The following MDK variants were observed in gnomAD, a reference collection of about 807,000 sequenced individuals.
MDK encodes the protein amphiregulin-associated protein.
A neutral mutation model predicts 18.9 loss-of-function variants in MDK; 17 were observed. The ratio of observed to expected loss-of-function variants is 0.90; its 90% CI spans 0.62 to 1.35. The LOEUF (loss-of-function observed/expected upper bound fraction) is 1.35, where lower values mean the gene tolerates loss of function less well. Ranked by LOEUF, MDK falls within the 40% of genes most tolerant of loss-of-function variation. The pLI, the probability that MDK is intolerant of heterozygous loss-of-function variation, is 0.00. For missense variants in MDK, 180 were observed against 186.3 expected, an observed-to-expected ratio of 0.97 and a Z score of 0.20; for synonymous variants, 86 against 74.3, an observed-to-expected ratio of 1.16 and a Z score of -0.81.
chr11:46,380,875 C>T (rs1945140438), upstream of MDK: 2 of 152,314 alleles, frequency 1.3e-5, no homozygotes, highest in South Asian at 2.1e-4. Flanking sequence ...CCCCAGGCCT[C>T]GGGGGCTCTC....
At chr11:46,383,103 GGAGGTCAA>G in intron 4 of MDK, 1 of 432,648 alleles carries the variant, frequency 2.3e-6, no homozygotes, top group Non-Finnish European at 4.2e-6. Flanking sequence ...AGTGTTGGGA[GGAGGTCAA>G]GGCCCACCCT....
rs34261502 is a variant in MDK at position 46,381,934 on chromosome 11, G to A, written c.-1-123G>A. 4.7e-3 allele frequency: 4,921 copies of A among 1,050,586 alleles called. 335 individuals are homozygous for A. The Admixed American group carries it at 0.11, about 23-fold the overall frequency. 65.1% of individuals were successfully genotyped at this position (1,050,586 alleles called of 1,614,324 possible). A position where few individuals can be genotyped will look rare whatever the true frequency, so the allele number is the denominator to read the frequency against. On this transcript the variant is annotated intron_variant, in intron 1 of 4. Coordinates refer to ENST00000395566, the MANE Select transcript of MDK (RefSeq NM_002391.6). ...GGCCGCCCCAAGTCTTCCCACCGCC[G>A]CCACCTTAGCAGCCCGACTTGGGGC...
rs761717296 is a variant in MDK at position 46,382,627 on chromosome 11, T to A, written c.285T>A (p.Asp95Glu). Residue 95 changes from aspartate to glutamate, a missense_variant, in exon 4 of 5, where the codon GAT becomes GAA. Physicochemically the swap from Asp to Glu is conservative, Grantham distance 45 (BLOSUM62 2). Coordinates refer to ENST00000395566, the MANE Select transcript of MDK (RefSeq NM_002391.6). ...AGTTTGAGAACTGGGGTGCGTGTGA[T>A]GGGGGCACAGGCACCAAAGTCCGCC... ...KYKFENWGACDGGTGTKVRQG... is the reference protein window; with the variant it reads ...KYKFENWGACEGGTGTKVRQG... 1 of 1,612,690 alleles carries A rather than the reference T, an allele frequency of 6.2e-7. No individual in the cohort carries two copies. Among genetic ancestry groups the A allele is most frequent in the Non-Finnish European group, 8.5e-7 (1 of 1,179,794 alleles).
chr11:46,381,944 C>G (rs533531836), intron 1 of MDK, 113 bp from the exon 2 acceptor site: 1 of 1,160,122 alleles, frequency 8.6e-7, no homozygotes, highest in South Asian at 1.4e-5. Context: ...GCCACCTTAG[C>G]AGCCCGACTT....
In MDK at chr11:46,382,335, T is replaced by C; in HGVS notation, c.118T>C (p.Trp40Arg). The C allele has an allele frequency of 6.2e-7, 1 of 1,606,328 alleles. No individual in the cohort carries two copies. The highest frequency in any genetic ancestry group is 8.5e-7 in the Non-Finnish European group (1 of 1,177,510). The change falls in exon 3 of 5, where the codon TGG (tryptophan) becomes CGG (arginine). Residue 40 changes from tryptophan to arginine, a missense_variant. Physicochemically the swap from Trp to Arg is moderately radical, Grantham distance 101 (BLOSUM62 -3). Coordinates refer to ENST00000395566, the MANE Select transcript of MDK (RefSeq NM_002391.6). ...CGGCCCGGGGAGCGAGTGCGCTGAGTGGGCCTGGGGGCCCTGCACCCCCAG... is the reference window on the plus strand; with the variant it reads ...CGGCCCGGGGAGCGAGTGCGCTGAGCGGGCCTGGGGGCCCTGCACCCCCAG... ...KGGPGSECAE[W>R]AWGPCTPSSK... is the part of the protein sequence containing the mutation.
At chr11:46,381,600 G>T (rs1715857206), upstream of MDK, 1 of 141,790 alleles carries the variant, frequency 7.1e-6, no homozygotes, top group Admixed American at 6.9e-5. Context: ...CGGGTTTGAG[G>T]GGAGGGGGCG....
At chr11:46,382,790 G>GGGGGGGGGGGGGGGGGGGGGGGGGCC in intron 4 of MDK, 42 bp downstream of exon 4, 1 of 985,982 alleles carries the variant, frequency 1.0e-6, no homozygotes, top group East Asian at 3.8e-5. Context: ...GCGGGGGGCT[G>GGGGGGGGGGGGGGGGGGGGGGGGGCC]CCCCCCCCCC....
At position 46,381,674 on chromosome 11, in the gene MDK, G is replaced by C. The variant is rs893221096; in HGVS notation, c.-86G>C. ...GGGGCCCATGTGACCGGCTCAGACC[G>C]GTTCTGGAGACAAAAGGGGCCGCGG... On this transcript the variant is annotated 5_prime_UTR_variant, in exon 1 of 5. Coordinates refer to ENST00000395566, the MANE Select transcript of MDK (RefSeq NM_002391.6). 1.3e-5 allele frequency: 2 copies of C among 154,778 alleles called. No homozygotes were observed. The highest frequency in any genetic ancestry group is 4.9e-5 in the African/African-American group (2 of 41,214). 9.6% of individuals were successfully genotyped at this position (154,778 alleles called of 1,614,324 possible). A position where few individuals can be genotyped will look rare whatever the true frequency, so the allele number is the denominator to read the frequency against.
Position 46,381,788 on chromosome 11 carries a change from G to A in MDK, c.-2+30G>A, listed in dbSNP as rs1324977432. ...GCGCGCGGCGGCCCCTGGTCCGCCC[G>A]GCCGCGGCCGATCTAGGGGCTGGGG... On this transcript the variant is annotated intron_variant, in intron 1 of 4. Coordinates refer to ENST00000395566, the MANE Select transcript of MDK (RefSeq NM_002391.6). The A allele has an allele frequency of 1.5e-5, 5 of 337,562 alleles. No homozygotes were observed. In the Admixed American group the frequency reaches 2.5e-4, roughly 17 times the overall value. The allele number at this position is 337,562 out of a possible 1,614,324, so 20.9% of individuals were successfully genotyped here.
rs1036330826 is a variant in MDK at position 46,381,726 on chromosome 11, G to C, written c.-34G>C. On this transcript the variant is annotated 5_prime_UTR_variant, in exon 1 of 5. Transcript: ENST00000395566. ...GGCCGGAGCGGGACGGGCCCGGCGCGGGAGGGAGCGAAGCAGCGCGGGCAG... is the reference window on the plus strand; with the variant it reads ...GGCCGGAGCGGGACGGGCCCGGCGCCGGAGGGAGCGAAGCAGCGCGGGCAG... 1.1e-5 allele frequency: 2 copies of C among 189,686 alleles called. No homozygotes were observed. Among genetic ancestry groups the C allele is most frequent in the Non-Finnish European group, 2.1e-5 (2 of 93,516 alleles). 11.8% of individuals were successfully genotyped at this position (189,686 alleles called of 1,614,324 possible).
At position 46,383,773 on chromosome 11, in the gene MDK, C is replaced by T. The variant is rs1269297893; in HGVS notation, c.*279C>T. On this transcript the variant is annotated 3_prime_UTR_variant, in exon 5 of 5. Coordinates refer to ENST00000395566, the MANE Select transcript of MDK (RefSeq NM_002391.6). ...CCCACAATTCCATTACTAAGAAACA[C>T]ATCAAATAAACTGACTTTTTCCCCC... The T allele has an allele frequency of 1.8e-6, 1 of 546,128 alleles. No homozygotes were observed. The highest frequency in any genetic ancestry group is 3.4e-5 in the East Asian group (1 of 29,272). The allele number at this position is 546,128 out of a possible 1,614,324, so 33.8% of individuals were successfully genotyped here. A position where few individuals can be genotyped will look rare whatever the true frequency, so the allele number is the denominator to read the frequency against.
intron 1 of MDK, 135 bp from the exon 2 acceptor site, chr11:46,381,920 GTC>G (rs1945192736): frequency 5.5e-6 from 5 of 902,640 alleles, no homozygotes; most frequent in African/African-American, 1.7e-5. Context: ...GCCGCCCCAA[GTC>G]TTCCCACCGC....
At chr11:46,382,790 GCCCCCCC>G in intron 4 of MDK, 42 bp downstream of exon 4, 8 of 985,936 alleles carry the variant, frequency 8.1e-6, no homozygotes, top group East Asian at 3.8e-5. Flanking sequence ...GCGGGGGGCT[GCCCCCCC>G]CCCCCCCCGC....
intron 3 of MDK, 34 bp from the exon 4 acceptor site, chr11:46,382,553 C>G (rs1007467012): frequency 1.3e-6 from 2 of 1,577,654 alleles, no homozygotes; most frequent in South Asian, 2.3e-5. Context: ...GGCCGCGGGC[C>G]GCGCAGCGCT....
At position 46,383,238 on chromosome 11, in the gene MDK, G is replaced by C. The variant is rs945612389; in HGVS notation, c.407-231G>C. The C allele has an allele frequency of 2.0e-4, 101 of 500,062 alleles. No individual in the cohort carries two copies. The East Asian group carries it at 3.5e-3, about 17-fold the overall frequency. 31.0% of individuals were successfully genotyped at this position (500,062 alleles called of 1,614,324 possible). ...CCAGGGCTGCTGTGACCAGGACTAGGACTGGAAACTTGAAGGTTTTCTGAT... is the reference window on the plus strand; with the variant it reads ...CCAGGGCTGCTGTGACCAGGACTAGCACTGGAAACTTGAAGGTTTTCTGAT... On this transcript the variant is annotated intron_variant, in intron 4 of 4. Coordinates refer to ENST00000395566, the MANE Select transcript of MDK (RefSeq NM_002391.6).
At position 46,383,723 on chromosome 11, in the gene MDK, G is replaced by A. The variant is rs1345317223; in HGVS notation, c.*229G>A. 1 of 660,648 alleles carries A rather than the reference G, an allele frequency of 1.5e-6. No individual in the cohort carries two copies. The highest frequency in any genetic ancestry group is 1.5e-5 in the South Asian group (1 of 65,148). The allele number at this position is 660,648 out of a possible 1,614,324, so 40.9% of individuals were successfully genotyped here. A position where few individuals can be genotyped will look rare whatever the true frequency, so the allele number is the denominator to read the frequency against. ...TTGAGCCTCCCCCAAAGCAATGTGA[G>A]TCCCAGAGCCCGCTTTTGTTCTTCC... On this transcript the variant is annotated 3_prime_UTR_variant, in exon 5 of 5. Coordinates refer to ENST00000395566, the MANE Select transcript of MDK (RefSeq NM_002391.6).
chr11:46,382,187 C>A lies in MDK; in HGVS notation c.76+54C>A, dbSNP rs1229615988. On this transcript the variant is annotated intron_variant, in intron 2 of 4. Coordinates refer to ENST00000395566, the MANE Select transcript of MDK (RefSeq NM_002391.6). ...GGGACGGGCAGGCGAGGCCCCTCCA[C>A]TTCTGGGCTGGGCCGCCTGGGTTCC... 15 of 1,607,040 alleles carry A rather than the reference C, an allele frequency of 9.3e-6. 1 individual carries two copies. The highest frequency in any genetic ancestry group is 8.5e-7 in the Non-Finnish European group (1 of 1,177,240).
At chr11:46,383,357 A>G in intron 4 of MDK, 112 bp from the exon 5 acceptor site, 1 of 787,784 alleles carries the variant, frequency 1.3e-6, no homozygotes, top group South Asian at 1.7e-5. Flanking sequence ...GGAAACCACT[A>G]GGGGGCAGAA....
At position 46,382,593 on chromosome 11, in the gene MDK, G is replaced by A. The variant is rs774088935; in HGVS notation, c.251G>A (p.Cys84Tyr). The change falls in exon 4 of 5, where the codon TGC becomes TAC. Residue 84 changes from cysteine (C) to tyrosine (Y), a missense_variant. Transcript: ENST00000395566. ...CNWKKEFGAD[C>Y]KYKFENWGAC... is the part of the protein sequence containing the mutation. Reference sequence around the variant, plus strand: ...TGGGCCGCTCTCTCGCCAGCCGACTGCAAGTACAAGTTTGAGAACTGGGGT... The same window carrying A: ...TGGGCCGCTCTCTCGCCAGCCGACTACAAGTACAAGTTTGAGAACTGGGGT... 6.2e-7 allele frequency: 1 copy of A among 1,609,782 alleles called. No homozygotes were observed. The highest frequency in any genetic ancestry group is 1.7e-5 in the Admixed American group (1 of 59,752).
Sources: allele counts gnomAD v4.1 joint callset, GRCh38; gene constraint gnomAD v4.1.1; transcripts MANE v1.5; gene names NCBI Gene and HGNC (gene_info 2026-07-23, HGNC 2026-07-21).